Variants in IRS1 observed in about 807,000 individuals in gnomAD.
IRS1 encodes insulin receptor substrate 1.
In IRS1, 34 loss-of-function variants were observed where a neutral mutation model predicts 65.6. The observed-to-expected ratio is 0.52, with a 90% CI of 0.39 to 0.69. The LOEUF is 0.69. Among genes scored for constraint, IRS1 ranks in the 30% least tolerant of loss-of-function variants. IRS1 has a pLI of 0.00. For synonymous variants in IRS1, 699 were observed against 683.5 expected (o/e 1.02, Z -0.35); for missense variants, 1,641 against 1,720.2 (o/e 0.95, Z 0.81).
At chr2:226,791,774 C>G (rs866993687) in intron 1 of IRS1, among the ~76,000 whole-genome samples, 1 of 151,984 alleles carries the variant, frequency 6.6e-6, no homozygotes. Flanking sequence ...GACCCAGAGC[C>G]GCGCGGCTGT....
At chr2:226,768,812 T>G (rs1939106990) in intron 1 of IRS1, among the ~76,000 whole-genome samples, 1 of 152,162 alleles carries the variant, frequency 6.6e-6, no homozygotes, top group African/African-American at 2.4e-5. Context: ...AATTTTTGTA[T>G]TTTTAGTAGA....
chr2:226,774,603 T>G (rs1002652225), intron 1 of IRS1, among the ~76,000 whole-genome samples: 5 of 152,132 alleles, frequency 3.3e-5, no homozygotes, highest in Non-Finnish European at 5.9e-5. Context: ...AAAATAAGAA[T>G]GATGAGTAAA....
intron 1 of IRS1, among the ~76,000 whole-genome samples, chr2:226,752,077 G>A (rs111944485): frequency 1.1e-4 from 17 of 152,264 alleles, no homozygotes; most frequent in African/African-American, 3.9e-4. Context: ...AGACATGCTT[G>A]CTCCCATTTT....
intron 1 of IRS1, among the ~76,000 whole-genome samples, chr2:226,765,582 T>C (rs1403388245): frequency 6.6e-6 from 1 of 152,180 alleles, no homozygotes; most frequent in Non-Finnish European, 1.5e-5. Flanking sequence ...TGGACTTTCC[T>C]AGGCTCACAG....
chr2:226,766,147 ATATATATATATATATATTTTT>A (rs1164858857), intron 1 of IRS1, among the ~76,000 whole-genome samples: 2 of 3,870 alleles, frequency 5.2e-4, no homozygotes, highest in Admixed American at 4.8e-3. Context: ...ATATATATAT[ATATATATATATATATATTTTT>A]TTTTTTTTTT....
intron 1 of IRS1, among the ~76,000 whole-genome samples, chr2:226,782,285 T>G (rs1222276832): frequency 6.6e-6 from 1 of 152,168 alleles, no homozygotes; most frequent in Non-Finnish European, 1.5e-5. Context: ...CTCAGGAACA[T>G]TTACGGTATT....
At chr2:226,749,340 C>T (rs1209462056) in intron 1 of IRS1, among the ~76,000 whole-genome samples, 1 of 152,166 alleles carries the variant, frequency 6.6e-6, no homozygotes, top group African/African-American at 2.4e-5. Flanking sequence ...TTCCTGAATT[C>T]TCTTCACTCC....
intron 1 of IRS1, among the ~76,000 whole-genome samples, chr2:226,742,167 T>C (rs1938452513): frequency 6.6e-6 from 1 of 152,156 alleles, no homozygotes; most frequent in Non-Finnish European, 1.5e-5. Context: ...CCCCGTTCTT[T>C]ACAAGGGACA....
intron 1 of IRS1, among the ~76,000 whole-genome samples, chr2:226,788,433 A>G (rs922873414): frequency 6.6e-6 from 1 of 152,186 alleles, no homozygotes; most frequent in African/African-American, 2.4e-5. Flanking sequence ...TCAAAGCTCT[A>G]TTATTCAAAG....
At position 226,780,669 on chromosome 2, in the gene IRS1, G is replaced by A. The variant is rs544119257; in HGVS notation, c.*21+14320C>T. Among the ~76,000 whole-genome samples, 230 of 152,260 alleles carry A rather than the reference G, an allele frequency of 1.5e-3. 1 individual carries two copies. The highest frequency in any genetic ancestry group is 4.8e-3 in the African/African-American group (198 of 41,558). On this transcript the variant is annotated intron_variant, in intron 1 of 1. Transcript: ENST00000305123. ...TTCAAAAGAATGGTTTGGGGGAAGG[G>A]AGGAAGTGTCCAAGATTTAAGATAC...
At chr2:226,742,389 C>T (rs765184745) in intron 1 of IRS1, among the ~76,000 whole-genome samples, 1 of 152,194 alleles carries the variant, frequency 6.6e-6, no homozygotes, top group Non-Finnish European at 1.5e-5. Context: ...TCTTTTAAAA[C>T]AGGCCAGGAT....
At chr2:226,740,047 A>C (rs144959331) in intron 1 of IRS1, among the ~76,000 whole-genome samples, 462 of 152,372 alleles carry the variant, frequency 3.0e-3, no homozygotes, top group African/African-American at 0.01. Flanking sequence ...AAAGTTTTAC[A>C]AATGCAAAAA....
chr2:226,781,921 G>A (rs1939391272), intron 1 of IRS1, among the ~76,000 whole-genome samples: 1 of 148,450 alleles, frequency 6.7e-6, no homozygotes, highest in Non-Finnish European at 1.5e-5. Flanking sequence ...TGGGCAAAAG[G>A]GAGTTTTAAT....
Position 226,757,723 on chromosome 2 carries a change from C to A in IRS1, c.*22-21473G>T, listed in dbSNP as rs541109216. On this transcript the variant is annotated intron_variant, in intron 1 of 1. Transcript: ENST00000305123. Reference sequence around the variant, plus strand: ...TTTCATTTCATATCTGTGCTAACTACTCTAACATCTTGTAAAATACATTTT... The same window carrying A: ...TTTCATTTCATATCTGTGCTAACTAATCTAACATCTTGTAAAATACATTTT... Among the ~76,000 whole-genome samples the A allele has an allele frequency of 2.6e-5, 4 of 152,298 alleles. No homozygotes were observed. The South Asian group carries it at 8.3e-4, about 32-fold the overall frequency.
At position 226,797,119 on chromosome 2, in the gene IRS1, C is replaced by T. The variant is rs558836768; in HGVS notation, c.1620G>A (p.Pro540=). The T allele has an allele frequency of 6.8e-6, 11 of 1,613,780 alleles. No individual in the cohort carries two copies. The highest frequency in any genetic ancestry group is 2.2e-5 in the East Asian group (1 of 44,872). ...CAATGGAAGCCACTGAGGACTGGGA[C>T]GGGGTCTTCTGGTGGGTAATGGTAG... ...TSPTITHQKT[P]SQSSVASIEE... The change falls in exon 1 of 2, where the codon CCG becomes CCA. Residue 540 remains proline (P), a synonymous_variant. Transcript: ENST00000305123. This position sits in a 1 kb window ranked among gnomAD's most constrained non-coding sequence, Gnocchi z 8.1.
chr2:226,789,621 C>T (rs1164536596), intron 1 of IRS1, among the ~76,000 whole-genome samples: 1 of 152,164 alleles, frequency 6.6e-6, no homozygotes. Context: ...AACACACCAC[C>T]CCTGAAAAAG....
rs1939339511 is a variant in IRS1, at chr2:226,779,450, T to C, written c.*21+15539A>G. Among the ~76,000 whole-genome samples the C allele has an allele frequency of 2.0e-5, 3 of 152,218 alleles. No homozygotes were observed. In the South Asian group the frequency reaches 6.2e-4, roughly 32 times the overall value. ...AATGCCAGACTCATTCCACTGAGCA[T>C]TCAAATCTACTCAGCCACGCTGGTG... is the stretch of plus-strand genomic sequence containing the variant. On this transcript the variant is annotated intron_variant, in intron 1 of 1. Coordinates refer to ENST00000305123, the MANE Select transcript of IRS1 (RefSeq NM_005544.3).
chr2:226,759,272 T>A (rs1248353636), intron 1 of IRS1, among the ~76,000 whole-genome samples: 1 of 152,170 alleles, frequency 6.6e-6, no homozygotes, highest in African/African-American at 2.4e-5. Flanking sequence ...AATGGAAAAA[T>A]TCTCTCTACA....
chr2:226,788,399 C>A (rs886134221), intron 1 of IRS1, among the ~76,000 whole-genome samples: 1 of 152,138 alleles, frequency 6.6e-6, no homozygotes, highest in Non-Finnish European at 1.5e-5. Context: ...GTCAAAAAGC[C>A]TTTTCAACAT....
Sources: gnomAD v4.1 joint callset for allele counts (sites outside exome capture counted in the v4.1 genomes callset) on GRCh38, gnomAD v4.1.1 for gene constraint, Gnocchi (gnomAD v3.1) non-coding constraint, MANE v1.5 for transcripts, NCBI Gene and HGNC (gene_info 2026-07-23, HGNC 2026-07-21) for gene names.